The following DGKB variants were observed in gnomAD, a reference collection of about 807,000 sequenced individuals.
DGKB encodes the protein diacylglycerol kinase beta, also known as 90 kDa diacylglycerol kinase.
A neutral mutation model predicts 114.3 loss-of-function variants in DGKB; 67 were observed. The observed-to-expected ratio is 0.59, with a 90% CI of 0.48 to 0.72. The LOEUF (loss-of-function observed/expected upper bound fraction) is 0.72, where lower values mean the gene tolerates loss of function less well. Ranked by LOEUF, DGKB falls within the 30% of genes least tolerant of loss-of-function variation. The probability of loss-of-function intolerance (pLI) is 0.00; values close to 1 mark genes in which losing one functional copy is unlikely to be tolerated. For missense variants in DGKB, 907 were observed against 975.2 expected, an observed-to-expected ratio of 0.93 and a Z score of 0.93; for synonymous variants, 398 against 323.1, an observed-to-expected ratio of 1.23 and a Z score of -2.49.
chr7:14,689,829 T>C (rs1238401691), intron 9 of DGKB, among the ~76,000 whole-genome samples: 1 of 152,230 alleles, frequency 6.6e-6, no homozygotes, highest in Non-Finnish European at 1.5e-5. Context: ...ATACATAGTC[T>C]TCTATTCTCC....
At chr7:14,693,114 TAAG>T (rs995406833) in intron 9 of DGKB, among the ~76,000 whole-genome samples, 2 of 152,152 alleles carry the variant, frequency 1.3e-5, no homozygotes, top group African/African-American at 4.8e-5. Flanking sequence ...CAGCTGGTAA[TAAG>T]AAGTATGAAG....
chr7:14,451,545 GTCTCTCTCTCTCTC>G (rs34641587), intron 21 of DGKB, among the ~76,000 whole-genome samples: 1 of 141,064 alleles, frequency 7.1e-6, no homozygotes, highest in South Asian at 2.2e-4. Flanking sequence ...CTCTCTATCT[GTCTCTCTCTCTCTC>G]TCTCTCTCTC....
At chr7:14,399,019 G>A (rs1822683460) in intron 21 of DGKB, among the ~76,000 whole-genome samples, 1 of 151,842 alleles carries the variant, frequency 6.6e-6, no homozygotes, top group South Asian at 2.1e-4. Context: ...AAAGTATAGT[G>A]AAATTAGTAA....
chr7:14,230,960 G>A (rs1172436418), intron 23 of DGKB, among the ~76,000 whole-genome samples: 1 of 151,964 alleles, frequency 6.6e-6, no homozygotes, highest in Non-Finnish European at 1.5e-5. Context: ...GTTATAATTT[G>A]TGTCTTGACT....
At chr7:14,182,328 A>T (rs1199757318) in intron 23 of DGKB, among the ~76,000 whole-genome samples, 1 of 151,626 alleles carries the variant, frequency 6.6e-6, no homozygotes, top group African/African-American at 2.4e-5. Flanking sequence ...GTTAATAAGA[A>T]AGCATATATA....
chr7:14,173,588 T>C (rs530582339), intron 25 of DGKB, among the ~76,000 whole-genome samples: 6 of 152,222 alleles, frequency 3.9e-5, no homozygotes, highest in Non-Finnish European at 8.8e-5. Context: ...AGCTTACAGA[T>C]ATTTAAATTC....
chr7:14,182,666 A>G (rs17763397), intron 23 of DGKB, among the ~76,000 whole-genome samples: 14,126 of 152,238 alleles, frequency 0.093, 876 homozygotes, highest in Admixed American at 0.19. Flanking sequence ...AATCAGGGAT[A>G]TGAATGTAAA....
intron 1 of DGKB, among the ~76,000 whole-genome samples, chr7:14,951,850 AAAC>A (rs1158813079): frequency 2.0e-5 from 3 of 151,982 alleles, no homozygotes; most frequent in Non-Finnish European, 2.9e-5. Flanking sequence ...AATAAAAACA[AAAC>A]AAGTTAAAAA....
chr7:14,309,448 G>A (rs1025793429), intron 23 of DGKB, among the ~76,000 whole-genome samples: 1 of 152,216 alleles, frequency 6.6e-6, no homozygotes, highest in African/African-American at 2.4e-5. Context: ...AAGGACAGCA[G>A]AGGACCAGGC....
At chr7:14,843,350 C>T (rs1192078824) in intron 1 of DGKB, among the ~76,000 whole-genome samples, 2 of 89,624 alleles carry the variant, frequency 2.2e-5, no homozygotes, top group African/African-American at 4.3e-5. Flanking sequence ...TTTTTTGAGA[C>T]GGAGTCTCGC....
chr7:14,809,137 G>C (rs1013328514), intron 2 of DGKB, among the ~76,000 whole-genome samples: 4 of 151,974 alleles, frequency 2.6e-5, no homozygotes, highest in African/African-American at 4.8e-5. Context: ...GTTTAAAAAA[G>C]CAACATGTGA....
chr7:14,442,350 T>C (rs1830192468), intron 21 of DGKB, among the ~76,000 whole-genome samples: 1 of 152,046 alleles, frequency 6.6e-6, no homozygotes, highest in Non-Finnish European at 1.5e-5. Context: ...TATATTTTAA[T>C]TCTTGATATT....
chr7:14,668,567 G>T (rs1818442142), intron 13 of DGKB, among the ~76,000 whole-genome samples: 1 of 151,980 alleles, frequency 6.6e-6, no homozygotes, highest in African/African-American at 2.4e-5. Context: ...ATCTTATGTT[G>T]TCACTTTGAA....
intron 2 of DGKB, among the ~76,000 whole-genome samples, chr7:14,808,503 G>A (rs1359786793): frequency 6.6e-6 from 1 of 152,128 alleles, no homozygotes; most frequent in East Asian, 1.9e-4. Context: ...AAAAAAGAGA[G>A]ATTTCACTGT....
At chr7:14,753,005 C>T (rs927599529) in intron 4 of DGKB, among the ~76,000 whole-genome samples, 1 of 152,126 alleles carries the variant, frequency 6.6e-6, no homozygotes, top group African/African-American at 2.4e-5. Context: ...TAGTAAATCT[C>T]GCCACAGTCA....
intron 23 of DGKB, among the ~76,000 whole-genome samples, chr7:14,227,704 G>T (rs973679552): frequency 1.3e-5 from 2 of 151,872 alleles, no homozygotes; most frequent in Non-Finnish European, 2.9e-5. Flanking sequence ...CATGGAACAA[G>T]GGCACATAAT....
intron 20 of DGKB, among the ~76,000 whole-genome samples, chr7:14,491,995 C>T (rs530803034): frequency 4.6e-5 from 7 of 152,056 alleles, no homozygotes; most frequent in Admixed American, 4.6e-4. Flanking sequence ...TCCCATAACA[C>T]TAAACTAGTA....
chr7:14,360,448 G>GTATATATATATATATATA (rs112459240), intron 21 of DGKB, among the ~76,000 whole-genome samples: 2 of 146,968 alleles, frequency 1.4e-5, no homozygotes, highest in Admixed American at 6.8e-5. Context: ...AGAACTTAAA[G>GTATATATATATATATATA]TATATATATA....
intron 23 of DGKB, among the ~76,000 whole-genome samples, chr7:14,189,802 G>C (rs376406446): frequency 6.6e-6 from 1 of 152,054 alleles, no homozygotes; most frequent in Non-Finnish European, 1.5e-5. Context: ...TGTTAAAAGA[G>C]GCAGAGAATG....
Sources: gnomAD v4.1 joint callset for allele counts (sites outside exome capture counted in the v4.1 genomes callset) on GRCh38, gnomAD v4.1.1 for gene constraint, MANE v1.5 for transcripts, NCBI Gene and HGNC (gene_info 2026-07-23, HGNC 2026-07-21) for gene names.